Variants in MIOS observed in about 807,000 individuals in gnomAD.
The protein encoded by MIOS is meiosis regulator for oocyte development, also known as GATOR2 complex protein MIOS.
In MIOS, 52 loss-of-function variants were observed where a neutral mutation model predicts 96.9. That is an observed-to-expected ratio of 0.54 (90% CI 0.43 to 0.68). MIOS has a LOEUF of 0.68. MIOS is among the 30% of genes least tolerant of loss of function. The probability of loss-of-function intolerance (pLI) is 0.00; values close to 1 mark genes in which losing one functional copy is unlikely to be tolerated. For missense variants in MIOS, 1,005 were observed against 1,052.8 expected (o/e 0.95, Z 0.63); for synonymous variants, 397 against 359.5 (o/e 1.10, Z -1.18).
rs1042050042 is a variant in MIOS, at chr7:7,582,749, A to G, written c.1394-369A>G. 13 of 375,036 alleles carry G rather than the reference A, an allele frequency of 3.5e-5. 1 individual carries two copies. Among genetic ancestry groups the G allele is most frequent in the Non-Finnish European group, 4.8e-5 (13 of 269,618 alleles). 23.2% of individuals were successfully genotyped at this position (375,036 alleles called of 1,614,324 possible). ...CTTATGCGCTACTGGGAGAAGAGAT[A>G]AGACTGAAAAATAAATTAATAAATG... is the stretch of plus-strand genomic sequence containing the variant. On this transcript the variant is annotated intron_variant, in intron 5 of 12. Coordinates refer to ENST00000340080, the MANE Select transcript of MIOS (RefSeq NM_019005.4).
At chr7:7,599,939 A>C (rs1784321277) in intron 11 of MIOS, among the ~76,000 whole-genome samples, 1 of 152,198 alleles carries the variant, frequency 6.6e-6, no homozygotes. Flanking sequence ...AGAAAACCAA[A>C]TACCACATGT....
At chr7:7,567,447 C>G (rs979799024) in intron 1 of MIOS, 160 bp from the exon 2 acceptor site, 1 of 151,828 alleles carries the variant, frequency 6.6e-6, no homozygotes, top group Non-Finnish European at 1.5e-5. Flanking sequence ...CCGTTGTACC[C>G]TCTTAAATAC....
At chr7:7,586,155 C>CGTGTGTGTGTGT (rs10527974) in intron 7 of MIOS, among the ~76,000 whole-genome samples, 3 of 149,942 alleles carry the variant, frequency 2.0e-5, no homozygotes, top group Admixed American at 1.3e-4. Context: ...CACACATGCA[C>CGTGTGTGTGTGT]GTGTGTGTGT....
At position 7,597,480 on chromosome 7, in the gene MIOS, ATATATATATAT is replaced by A. The variant is rs1784240524; in HGVS notation, c.2401+1020_2401+1030del. ...TTACCTAGTAAATTTATATATATAT[ATATATATATAT>A]ATATATATATATATATATATATATA... On this transcript the variant is annotated intron_variant, in intron 11 of 12. Coordinates refer to ENST00000340080, the MANE Select transcript of MIOS (RefSeq NM_019005.4). Among the ~76,000 whole-genome samples the A allele has an allele frequency of 3.6e-4, 12 of 32,920 alleles. 2 individuals carry two copies. The highest frequency in any genetic ancestry group is 1.0e-3 in the East Asian group (1 of 996). The allele number at this position is 32,920 out of a possible 152,430, so 21.6% of individuals were successfully genotyped here. A position where few individuals can be genotyped will look rare whatever the true frequency, so the allele number is the denominator to read the frequency against.
intron 9 of MIOS, among the ~76,000 whole-genome samples, chr7:7,591,297 GTTT>G (rs71010984): frequency 1.5e-5 from 2 of 136,008 alleles, no homozygotes; most frequent in Non-Finnish European, 3.1e-5. Flanking sequence ...TTTTTGTTGG[GTTT>G]TTTTTTTTTT....
intron 4 of MIOS, 32 bp from the exon 5 acceptor site, chr7:7,574,066 G>A (rs746184586): frequency 1.4e-6 from 2 of 1,436,146 alleles, no homozygotes; most frequent in South Asian, 1.2e-5. Flanking sequence ...ATATTGTCAT[G>A]CATCACTAGT....
At chr7:7,600,334 T>C (rs1784338086) in intron 11 of MIOS, among the ~76,000 whole-genome samples, 1 of 151,964 alleles carries the variant, frequency 6.6e-6, no homozygotes, top group South Asian at 2.1e-4. Flanking sequence ...CCGTCTCACG[T>C]GCAGAGACAC....
intron 8 of MIOS, 129 bp from the exon 9 acceptor site, chr7:7,589,276 T>C: frequency 1.4e-6 from 1 of 739,330 alleles, no homozygotes; most frequent in Non-Finnish European, 2.1e-6. Flanking sequence ...GTTAAATATT[T>C]ATATTTTAGT....
chr7:7,575,964 T>C (rs1209256935), intron 5 of MIOS, among the ~76,000 whole-genome samples: 2 of 152,050 alleles, frequency 1.3e-5, no homozygotes, highest in African/African-American at 2.4e-5. Context: ...TATGCCACTC[T>C]TAGATTTCAG....
chr7:7,585,248 C>G (rs1783847879), intron 6 of MIOS, among the ~76,000 whole-genome samples: 1 of 152,048 alleles, frequency 6.6e-6, no homozygotes, highest in Admixed American at 6.6e-5. Context: ...GGAACATACA[C>G]AGGAATAACT....
At chr7:7,569,310 G>C (rs2115329761) in intron 3 of MIOS, among the ~76,000 whole-genome samples, 1 of 152,270 alleles carries the variant, frequency 6.6e-6, no homozygotes, top group East Asian at 1.9e-4. Flanking sequence ...CTACAGTGCA[G>C]GTTTTTTTTA....
At chr7:7,593,132 A>G (rs1454082383) in intron 9 of MIOS, among the ~76,000 whole-genome samples, 1 of 152,210 alleles carries the variant, frequency 6.6e-6, no homozygotes, top group African/African-American at 2.4e-5. Context: ...AGGGGAAAGA[A>G]TGAGATGTGA....
At chr7:7,606,939 A>G (rs962798720) in intron 12 of MIOS, 57 bp from the exon 13 acceptor site, 3 of 1,279,996 alleles carry the variant, frequency 2.3e-6, no homozygotes, top group Non-Finnish European at 3.4e-6. Flanking sequence ...AAATAAATAA[A>G]TAAATGTATG....
Position 7,572,998 on chromosome 7 carries a change from A to G in MIOS, c.523A>G (p.Thr175Ala). 1.2e-6 allele frequency: 2 copies of G among 1,614,104 alleles called. No homozygotes were observed. Among genetic ancestry groups the G allele is most frequent in the Non-Finnish European group, 1.7e-6 (2 of 1,179,976 alleles). Residue 175 changes from threonine (T) to alanine (A), a missense_variant, in exon 4 of 13, where the codon ACA becomes GCA. Thr to Ala is a moderately conservative substitution (Grantham distance 58, BLOSUM62 0). This residue lies in a region of MIOS where 865 missense variants were observed against 887.9 expected (regional missense o/e 0.97). Transcript: ENST00000340080. The surrounding 1 kb of genome is among the most constrained non-coding windows in gnomAD (Gnocchi z 4.8). ...TGAAACTGAAACAACATTATTAGTAACAAAACCACTTTATGAGTTAGGACA... is the reference window on the plus strand; with the variant it reads ...TGAAACTGAAACAACATTATTAGTAGCAAAACCACTTTATGAGTTAGGACA... Reference protein sequence around the residue: ...AGETETTLLVTKPLYELGQND... With the variant: ...AGETETTLLVAKPLYELGQND...
At chr7:7,568,440 T>C (rs1254113596) in intron 3 of MIOS, among the ~76,000 whole-genome samples, 1 of 152,218 alleles carries the variant, frequency 6.6e-6, no homozygotes, top group South Asian at 2.1e-4. Context: ...TGGTGATGTA[T>C]GTTCATGAGC....
At chr7:7,576,668 C>G (rs929354554) in intron 5 of MIOS, among the ~76,000 whole-genome samples, 7 of 152,120 alleles carry the variant, frequency 4.6e-5, no homozygotes, top group Admixed American at 4.6e-4. Flanking sequence ...TAGGGAGATT[C>G]ATCTTGTAAG....
chr7:7,567,805 A>G (rs1453101220), intron 2 of MIOS, 117 bp downstream of exon 2: 2 of 152,248 alleles, frequency 1.3e-5, no homozygotes, highest in African/African-American at 2.4e-5. Flanking sequence ...GAGATGTGCT[A>G]TAAGTGTAAA....
chr7:7,592,054 C>CACTGCAACCTCCACCTCCCAGGT (rs1226905091), intron 9 of MIOS, among the ~76,000 whole-genome samples: 1 of 151,736 alleles, frequency 6.6e-6, no homozygotes, highest in African/African-American at 2.4e-5. Flanking sequence ...AATATTGGCT[C>CACTGCAACCTCCACCTCCCAGGT]ACTGCAACCT....
intron 10 of MIOS, among the ~76,000 whole-genome samples, chr7:7,595,984 G>C (rs564890700): frequency 3.9e-5 from 6 of 152,060 alleles, no homozygotes; most frequent in Admixed American, 1.3e-4. Flanking sequence ...TGAAGTCATT[G>C]TTATTTCTAA....
Sources: allele counts gnomAD v4.1 joint callset (sites outside exome capture counted in the v4.1 genomes callset), GRCh38; gene constraint gnomAD v4.1.1; regional missense constraint gnomAD v4.1.1; non-coding constraint Gnocchi (gnomAD v3.1); transcripts MANE v1.5; gene names NCBI Gene and HGNC (gene_info 2026-07-23, HGNC 2026-07-21).